DNAJB1: variants seen among roughly 807,000 people sequenced by gnomAD.
The protein encoded by DNAJB1 is DnaJ heat shock protein family (Hsp40) member B1.
Under a neutral mutation model 24.0 loss-of-function variants are expected in DNAJB1, and 14 were observed. That is an observed-to-expected ratio of 0.58 (90% CI 0.39 to 0.91). The LOEUF (loss-of-function observed/expected upper bound fraction) is 0.91. DNAJB1 is among the 40% of genes least tolerant of loss of function. DNAJB1 has a pLI of 0.00. For missense variants in DNAJB1, 517 were observed against 458.1 expected, an observed-to-expected ratio of 1.13 and a Z score of -1.17; for synonymous variants, 262 against 174.4, an observed-to-expected ratio of 1.50 and a Z score of -3.96.
At chr19:14,529,473 T>A, upstream of DNAJB1, 1 of 673,284 alleles carries the variant, frequency 1.5e-6, no homozygotes, top group Non-Finnish European at 2.7e-6. Flanking sequence ...AATCCCCTGG[T>A]GCTAGTCCTA....
At chr19:14,554,753 G>C (rs999143648), upstream of DNAJB1, among the ~76,000 whole-genome samples, 10 of 151,406 alleles carry the variant, frequency 6.6e-5, no homozygotes, top group African/African-American at 2.2e-4. Flanking sequence ...CTCCACATCT[G>C]TCCAGAATTT....
intron 1 of DNAJB1, among the ~76,000 whole-genome samples, chr19:14,537,871 G>A (rs902844409): frequency 1.3e-5 from 2 of 150,138 alleles, no homozygotes; most frequent in Non-Finnish European, 1.5e-5. Flanking sequence ...TTAGTCTCCC[G>A]AGTAGCTGGG....
intron 2 of DNAJB1, among the ~76,000 whole-genome samples, chr19:14,524,513 C>A (rs2072396253): frequency 6.6e-6 from 1 of 150,944 alleles, no homozygotes; most frequent in Non-Finnish European, 1.5e-5. Context: ...ACAGTGAGAC[C>A]CTGTCTCAAA....
chr19:14,518,885 T>TA (rs771721170), upstream of DNAJB1, among the ~76,000 whole-genome samples: 7 of 152,174 alleles, frequency 4.6e-5, no homozygotes, highest in Non-Finnish European at 1.0e-4. Flanking sequence ...ACGAACTACC[T>TA]AACCTGTGTC....
rs938926958 is a variant in DNAJB1, at chr19:14,536,178, C to T, written c.-213-8368G>A. On this transcript the variant is annotated intron_variant, in intron 1 of 3. Transcript: ENST00000676982. ...CTTCCTGGGAAGGTGGCAATGCTTA[C>T]GGGCTTTGGATCAGTGCTAGGCTCA... Among the ~76,000 whole-genome samples, 4 of 151,912 alleles carry T rather than the reference C, an allele frequency of 2.6e-5. No individual in the cohort carries two copies. In the South Asian group the frequency reaches 8.3e-4, roughly 31 times the overall value.
At chr19:14,547,006 T>C (rs2073331439) in intron 1 of DNAJB1, among the ~76,000 whole-genome samples, 2 of 152,200 alleles carry the variant, frequency 1.3e-5, no homozygotes, top group Admixed American at 6.5e-5. Context: ...AAAAATTAAA[T>C]TTCAATTTGA....
intron 1 of DNAJB1, chr19:14,517,435 GAAAA>G (rs745813999): frequency 6.4e-6 from 1 of 155,824 alleles, no homozygotes; most frequent in Non-Finnish European, 1.3e-5. Flanking sequence ...AGGAAGAGAA[GAAAA>G]AAAAAAACAA....
At chr19:14,556,639 G>A (rs994711169) in intron 1 of DNAJB1, among the ~76,000 whole-genome samples, 2 of 152,170 alleles carry the variant, frequency 1.3e-5, no homozygotes, top group Admixed American at 1.3e-4. Context: ...GAAGGAGGGA[G>A]TCAGGAATGA....
At chr19:14,519,309 C>G (rs2072335615), upstream of DNAJB1, among the ~76,000 whole-genome samples, 1 of 152,200 alleles carries the variant, frequency 6.6e-6, no homozygotes, top group Non-Finnish European at 1.5e-5. Context: ...GCGGAGGTTG[C>G]AGTGAGCCGA....
intron 1 of DNAJB1, chr19:14,545,030 G>T: frequency 2.2e-6 from 1 of 453,684 alleles, no homozygotes; most frequent in Non-Finnish European, 4.4e-6. Context: ...CCAAGCACCT[G>T]AGTCTCTGCC....
chr19:14,547,335 T>C (rs1219785477), intron 1 of DNAJB1, among the ~76,000 whole-genome samples: 3 of 149,922 alleles, frequency 2.0e-5, no homozygotes, highest in Non-Finnish European at 4.5e-5. Context: ...TGAGCCACCG[T>C]ACCTGGCCTA....
At chr19:14,543,125 A>G (rs2073157675) in intron 1 of DNAJB1, among the ~76,000 whole-genome samples, 1 of 150,346 alleles carries the variant, frequency 6.7e-6, no homozygotes, top group African/African-American at 2.5e-5. Context: ...GCTTCAGGAA[A>G]CATCTGGAAA....
chr19:14,545,187 C>T (rs1346421681), intron 1 of DNAJB1: 1 of 456,654 alleles, frequency 2.2e-6, no homozygotes, highest in African/African-American at 2.0e-5. Flanking sequence ...AAGGGTAAAA[C>T]CTAAAGCACT....
chr19:14,560,369 G>A (rs1440798414), upstream of DNAJB1, among the ~76,000 whole-genome samples: 2 of 152,158 alleles, frequency 1.3e-5, no homozygotes, highest in African/African-American at 4.8e-5. Context: ...CAGGCCACAC[G>A]GGCTTGGAAG....
chr19:14,536,912 A>G (rs1315097156), intron 1 of DNAJB1, among the ~76,000 whole-genome samples: 3 of 148,186 alleles, frequency 2.0e-5, no homozygotes, highest in Non-Finnish European at 3.0e-5. Context: ...GACAAGTAGT[A>G]CGGCCCTACT....
At chr19:14,546,981 C>T (rs1444834826) in intron 1 of DNAJB1, among the ~76,000 whole-genome samples, 1 of 152,188 alleles carries the variant, frequency 6.6e-6, no homozygotes, top group Non-Finnish European at 1.5e-5. Context: ...AGGCATGAGC[C>T]ACTGCACCCA....
intron 1 of DNAJB1, among the ~76,000 whole-genome samples, chr19:14,547,879 C>G (rs754974912): frequency 1.3e-4 from 19 of 148,360 alleles, no homozygotes; most frequent in Middle Eastern, 7.5e-3. Flanking sequence ...CCAGGTTGGT[C>G]TTGGGTCTTG....
intron 1 of DNAJB1, among the ~76,000 whole-genome samples, chr19:14,542,486 T>G (rs1285417875): frequency 6.7e-6 from 1 of 149,890 alleles, no homozygotes; most frequent in African/African-American, 2.4e-5. Context: ...CTCAGCCTCC[T>G]GAGTAGCTGG....
At chr19:14,535,560 A>ATATATATATG (rs2072857524) in intron 1 of DNAJB1, among the ~76,000 whole-genome samples, 7 of 21,856 alleles carry the variant, frequency 3.2e-4, no homozygotes, top group African/African-American at 1.2e-3. Flanking sequence ...ATATATATAT[A>ATATATATATG]TATATATATA....
Sources: gnomAD v4.1 joint callset for allele counts (sites outside exome capture counted in the v4.1 genomes callset) on GRCh38, gnomAD v4.1.1 for gene constraint, MANE v1.5 for transcripts, NCBI Gene and HGNC (gene_info 2026-07-23, HGNC 2026-07-21) for gene names.